The following ADORA2B variants were observed in gnomAD, a reference collection of about 807,000 sequenced individuals.
ADORA2B encodes the protein adenosine receptor A2b.
Under a neutral mutation model 20.8 loss-of-function variants are expected in ADORA2B, and 18 were observed. The observed-to-expected ratio is 0.87, with a 90% CI of 0.60 to 1.29. The LOEUF (loss-of-function observed/expected upper bound fraction) is 1.29, where lower values mean the gene tolerates loss of function less well. ADORA2B is among the 50% of genes most tolerant of loss of function. ADORA2B has a pLI of 0.00. For synonymous variants in ADORA2B, 179 were observed against 178.3 expected, an observed-to-expected ratio of 1.00 and a Z score of -0.03; for missense variants, 441 against 422.7, an observed-to-expected ratio of 1.04 and a Z score of -0.38.
chr17:15,877,389 C>T, the ADORA2B span, among the ~76,000 whole-genome samples: 3 of 152,146 alleles, frequency 2.0e-5, no homozygotes, highest in African/African-American at 4.8e-5. Context: ...CCTGTGTATG[C>T]GGCCTGCAAC....
At chr17:15,883,369 C>T in the ADORA2B span, among the ~76,000 whole-genome samples, 4 of 152,168 alleles carry the variant, frequency 2.6e-5, no homozygotes, top group Non-Finnish European at 5.9e-5. Flanking sequence ...TGTGTATTAA[C>T]TTATGACTTA....
chr17:15,866,886 C>T, the ADORA2B span, among the ~76,000 whole-genome samples: 4 of 152,354 alleles, frequency 2.6e-5, no homozygotes, highest in South Asian at 2.1e-4. Context: ...ACCTCCCTGC[C>T]GGATTCTCCT....
the ADORA2B span, among the ~76,000 whole-genome samples, chr17:15,867,563 G>A: frequency 4.0e-5 from 6 of 150,742 alleles, no homozygotes; most frequent in African/African-American, 7.3e-5. Flanking sequence ...CACCCCGTCC[G>A]GGAGGGAGGC....
At chr17:15,886,040 A>G in the ADORA2B span, among the ~76,000 whole-genome samples, 2 of 152,234 alleles carry the variant, frequency 1.3e-5, no homozygotes, top group Admixed American at 6.5e-5. Flanking sequence ...GGGTGAAACC[A>G]TATACCATAA....
the ADORA2B span, among the ~76,000 whole-genome samples, chr17:15,936,271 T>A: frequency 6.6e-6 from 1 of 152,148 alleles, no homozygotes; most frequent in African/African-American, 2.4e-5. Flanking sequence ...TGGTGAGACA[T>A]CTTTCTTTCA....
rs753626617 is a variant in ADORA2B, at chr17:15,974,681, A to T, written c.338A>T (p.Tyr113Phe). ...RYLAICVPLR[Y>F]KSLVTGTRAR... is the part of the protein sequence containing the mutation. ...ACAGATGGTATTCTTTTAAACAGGT[A>T]TAAAAGTTTGGTCACGGGGACCCGA... is the stretch of plus-strand genomic sequence containing the variant. The change falls in exon 2 of 2, where the codon TAT (tyrosine) becomes TTT (phenylalanine). Residue 113 changes from tyrosine to phenylalanine, a missense_variant and splice_region_variant. Transcript: ENST00000304222. 1.2e-6 allele frequency: 2 copies of T among 1,612,538 alleles called. No homozygotes were observed. Among genetic ancestry groups the T allele is most frequent in the Non-Finnish European group, 1.7e-6 (2 of 1,178,940 alleles).
upstream of ADORA2B, chr17:15,945,003 C>T (rs1597842526): frequency 3.5e-6 from 1 of 289,540 alleles, no homozygotes; most frequent in East Asian, 6.0e-5. Flanking sequence ...ACTTTGGGCT[C>T]GGGCGAGTGG....
chr17:15,956,766 A>AT (rs1251887413), intron 1 of ADORA2B, among the ~76,000 whole-genome samples: 4 of 151,550 alleles, frequency 2.6e-5, no homozygotes, highest in African/African-American at 9.7e-5. Flanking sequence ...TGCCCAGCTG[A>AT]TTTTTGTGTT....
At chr17:15,882,331 C>T in the ADORA2B span, among the ~76,000 whole-genome samples, 1 of 151,738 alleles carries the variant, frequency 6.6e-6, no homozygotes, top group Non-Finnish European at 1.5e-5. Flanking sequence ...CCACATTGTG[C>T]CTCTTCTGAC....
the ADORA2B span, among the ~76,000 whole-genome samples, chr17:15,931,073 T>C: frequency 6.6e-6 from 1 of 152,156 alleles, no homozygotes; most frequent in Admixed American, 6.5e-5. Context: ...TCCCAGTGTT[T>C]TGGGAGGCTG....
At chr17:15,880,368 A>G in the ADORA2B span, among the ~76,000 whole-genome samples, 112 of 135,514 alleles carry the variant, frequency 8.3e-4, no homozygotes, top group African/African-American at 3.0e-3. Flanking sequence ...TGCAATACCA[A>G]TATTACTGTT....
the ADORA2B span, among the ~76,000 whole-genome samples, chr17:15,862,232 T>C: frequency 8.2e-6 from 1 of 122,286 alleles, no homozygotes; most frequent in Non-Finnish European, 1.7e-5. Context: ...TTTTTTTTTT[T>C]TGAGACAGAT....
At chr17:15,884,889 C>G in the ADORA2B span, among the ~76,000 whole-genome samples, 1 of 152,088 alleles carries the variant, frequency 6.6e-6, no homozygotes, top group Non-Finnish European at 1.5e-5. Flanking sequence ...ATATGCATGC[C>G]TGTATCTTTG....
At position 15,972,866 on chromosome 17, in the gene ADORA2B, C is replaced by G. The variant is rs569700772; in HGVS notation, c.336-1813C>G. 3.5e-4 allele frequency among the ~76,000 whole-genome samples: 53 copies of G among 152,282 alleles called. 1 individual carries two copies. The Middle Eastern group carries it at 0.01, about 29-fold the overall frequency. ...CTCCTGGGCTCAAGTGATCCTGACT[C>G]TCCCACTTCATTCTCCCGAAATAGC... On this transcript the variant is annotated intron_variant, in intron 1 of 1. Transcript: ENST00000304222.
intron 1 of ADORA2B, among the ~76,000 whole-genome samples, chr17:15,966,327 G>T (rs1970114597): frequency 6.6e-6 from 1 of 152,214 alleles, no homozygotes; most frequent in Non-Finnish European, 1.5e-5. Context: ...CAGGTTGGAG[G>T]CGGGTTCTGG....
At chr17:15,939,371 C>T in the ADORA2B span, among the ~76,000 whole-genome samples, 4 of 152,174 alleles carry the variant, frequency 2.6e-5, no homozygotes, top group Non-Finnish European at 5.9e-5. Context: ...GGAAACAGTC[C>T]TCCTGGAGCC....
the ADORA2B span, among the ~76,000 whole-genome samples, chr17:15,877,879 T>C: frequency 7.2e-5 from 11 of 152,098 alleles, no homozygotes; most frequent in African/African-American, 2.7e-4. Flanking sequence ...TCCCCACTGC[T>C]GGCTTGGGAT....
intron 1 of ADORA2B, among the ~76,000 whole-genome samples, chr17:15,962,818 C>T (rs1329905691): frequency 1.3e-5 from 2 of 152,188 alleles, no homozygotes; most frequent in Non-Finnish European, 2.9e-5. Flanking sequence ...GCGCCCGGCC[C>T]CTGTTATTTA....
Position 15,945,368 on chromosome 17 carries a change from G to A in ADORA2B, c.120G>A (p.Thr40=), listed in dbSNP as rs1294895425. ...AAVGTANTLQ[T]PTNYFLVSLA... Reference sequence around the variant, plus strand: ...TGGGCACGGCGAACACTCTGCAGACGCCCACCAACTACTTCCTGGTGTCCC... The same window carrying A: ...TGGGCACGGCGAACACTCTGCAGACACCCACCAACTACTTCCTGGTGTCCC... The change falls in exon 1 of 2, where the codon ACG becomes ACA. Residue 40 remains threonine (T), a synonymous_variant. Transcript: ENST00000304222. 6.2e-7 allele frequency: 1 copy of A among 1,611,862 alleles called. No individual in the cohort carries two copies. Among genetic ancestry groups the A allele is most frequent in the Non-Finnish European group, 8.5e-7 (1 of 1,179,776 alleles).
Sources: allele counts gnomAD v4.1 joint callset (sites outside exome capture counted in the v4.1 genomes callset), GRCh38; gene constraint gnomAD v4.1.1; transcripts MANE v1.5; gene names NCBI Gene and HGNC (gene_info 2026-07-23, HGNC 2026-07-21).